PPFIA1: variants seen among roughly 807,000 people sequenced by gnomAD.
PPFIA1 encodes the protein PPFI scaffold protein A1, also known as liprin-alpha-1.
PPFIA1 carries 25 observed loss-of-function variants against 149.9 expected under a neutral mutation model. That is an observed-to-expected ratio of 0.17 (90% CI 0.12 to 0.23). PPFIA1 has a LOEUF of 0.23. Ranked by LOEUF, PPFIA1 falls within the 10% of genes least tolerant of loss-of-function variation. The pLI is 1.00. For synonymous variants in PPFIA1, 549 were observed against 552.8 expected (o/e 0.99, Z 0.10); for missense variants, 1,362 against 1,506.5 (o/e 0.90, Z 1.59).
intron 4 of PPFIA1, among the ~76,000 whole-genome samples, chr11:70,325,292 G>A (rs904583227): frequency 1.3e-5 from 2 of 151,774 alleles, no homozygotes; most frequent in African/African-American, 4.8e-5. Context: ...CTGATATTTC[G>A]GGGGAAGATT....
Position 70,324,880 on chromosome 11 carries a change from A to C in PPFIA1, c.400A>C (p.Arg134=). 6.2e-7 allele frequency: 1 copy of C among 1,608,072 alleles called. No homozygotes were observed. The highest frequency in any genetic ancestry group is 8.5e-7 in the Non-Finnish European group (1 of 1,177,752). ...LLEHLECLVS[R]HERSLRMTVV... is the part of the protein sequence containing the mutation. Reference sequence around the variant, plus strand: ...AGAGCATTTGGAATGCCTTGTCTCCAGGCATGAGCGGTCTCTTAGGATGAC... The same window carrying C: ...AGAGCATTTGGAATGCCTTGTCTCCCGGCATGAGCGGTCTCTTAGGATGAC... The change falls in exon 4 of 28, where the codon AGG becomes CGG. Residue 134 remains arginine, a synonymous_variant. Coordinates refer to ENST00000253925, the MANE Select transcript of PPFIA1 (RefSeq NM_003626.5).
At chr11:70,355,106 T>G (rs924387925) in intron 17 of PPFIA1, among the ~76,000 whole-genome samples, 3 of 152,132 alleles carry the variant, frequency 2.0e-5, no homozygotes, top group African/African-American at 7.2e-5. Flanking sequence ...GGTTTCACCA[T>G]GCTGGCCAGG....
chr11:70,335,729 C>T (rs1189364565), intron 11 of PPFIA1, 35 bp downstream of exon 11: 1 of 1,609,636 alleles, frequency 6.2e-7, no homozygotes, highest in African/African-American at 1.3e-5. Context: ...TGGAGCTTTC[C>T]CACCCTCTGC....
intron 2 of PPFIA1, among the ~76,000 whole-genome samples, chr11:70,312,993 G>A (rs1191420525): frequency 6.6e-6 from 1 of 152,190 alleles, no homozygotes; most frequent in African/African-American, 2.4e-5. Context: ...GTGAACATCA[G>A]GTAAGTGGGA....
At chr11:70,331,903 A>G (rs2054691884) in intron 8 of PPFIA1, 57 bp from the exon 9 acceptor site, 4 of 1,555,888 alleles carry the variant, frequency 2.6e-6, no homozygotes, top group Non-Finnish European at 3.5e-6. Flanking sequence ...TCAATCTGTT[A>G]AAAACTGATC....
At chr11:70,365,803 T>G in intron 21 of PPFIA1, 3 of 384,572 alleles carry the variant, frequency 7.8e-6, no homozygotes, top group South Asian at 5.9e-5. Context: ...TTGCATGAGT[T>G]TTGCATGATG....
intron 19 of PPFIA1, chr11:70,358,383 G>T (rs187253843): frequency 1.5e-4 from 23 of 152,266 alleles, no homozygotes; most frequent in Middle Eastern, 3.4e-3. Context: ...ACCGTGCCCA[G>T]CTAATTTTTT....
intron 2 of PPFIA1, among the ~76,000 whole-genome samples, chr11:70,288,615 T>G (rs1013613507): frequency 3.4e-4 from 52 of 152,326 alleles, no homozygotes; most frequent in African/African-American, 1.3e-3. Flanking sequence ...CCGTGTACAG[T>G]GATGAACAGA....
intron 7 of PPFIA1, chr11:70,329,899 T>A (rs923862968): frequency 4.1e-5 from 14 of 341,684 alleles, no homozygotes; most frequent in Non-Finnish European, 5.8e-5. Context: ...CAGCATTCCA[T>A]CCTAGGTGAT....
chr11:70,345,971 G>A (rs926085756), intron 15 of PPFIA1: 2 of 455,400 alleles, frequency 4.4e-6, no homozygotes, highest in Admixed American at 4.7e-5. Flanking sequence ...TCCTTTCCCT[G>A]TGTGAAGTTA....
chr11:70,303,744 G>T (rs1591131516), intron 2 of PPFIA1, among the ~76,000 whole-genome samples: 1 of 152,204 alleles, frequency 6.6e-6, no homozygotes, highest in East Asian at 1.9e-4. Context: ...GGTGGCTCAT[G>T]CCTATAATCC....
At chr11:70,279,069 A>T in intron 2 of PPFIA1, 1 of 506,206 alleles carries the variant, frequency 2.0e-6, no homozygotes, top group Non-Finnish European at 3.7e-6. Flanking sequence ...CTTTACTGTG[A>T]AGTCTTTTGA....
chr11:70,327,100 C>T, intron 7 of PPFIA1: 5 of 371,946 alleles, frequency 1.3e-5, no homozygotes, highest in Non-Finnish European at 2.5e-5. Flanking sequence ...CCTCTCCTAC[C>T]TGTGCTGCTT....
chr11:70,319,609 T>G (rs1227546787), intron 2 of PPFIA1, among the ~76,000 whole-genome samples: 1 of 152,202 alleles, frequency 6.6e-6, no homozygotes, highest in Non-Finnish European at 1.5e-5. Context: ...TCCCTTATGC[T>G]AATGACTGAC....
intron 27 of PPFIA1, among the ~76,000 whole-genome samples, chr11:70,382,481 A>C (rs1042303178): frequency 7.2e-5 from 11 of 152,042 alleles, no homozygotes; most frequent in Admixed American, 1.3e-4. Flanking sequence ...CATGGCAGAG[A>C]GCGTCAGGGG....
chr11:70,298,378 A>G (rs758796481), intron 2 of PPFIA1, among the ~76,000 whole-genome samples: 5 of 152,214 alleles, frequency 3.3e-5, no homozygotes, highest in Non-Finnish European at 5.9e-5. Flanking sequence ...TGTGCAAACC[A>G]TAGAAATACT....
chr11:70,324,275 A>G (rs2054135408), intron 2 of PPFIA1, 127 bp from the exon 3 acceptor site: 2 of 609,502 alleles, frequency 3.3e-6, no homozygotes, highest in Middle Eastern at 2.9e-4. Context: ...TCTCTGGAGG[A>G]TCACTGAGAT....
chr11:70,287,558 G>C lies in PPFIA1; in HGVS notation c.264+15122G>C, dbSNP rs1027996800. 3.2e-4 allele frequency among the ~76,000 whole-genome samples: 49 copies of C among 151,390 alleles called. 1 individual carries two copies. Among genetic ancestry groups the C allele is most frequent in the African/African-American group, 1.1e-3 (47 of 41,270 alleles). ...TTACCCAGGCTGGTCTCCAATCCTG[G>C]TCTCAAGTAATCCTCCTGCCTCAGC... On this transcript the variant is annotated intron_variant, in intron 2 of 27. Coordinates refer to ENST00000253925, the MANE Select transcript of PPFIA1 (RefSeq NM_003626.5).
intron 2 of PPFIA1, chr11:70,284,115 C>A: frequency 2.2e-6 from 1 of 453,230 alleles, no homozygotes; most frequent in Non-Finnish European, 4.5e-6. Context: ...ACTTGCTAAG[C>A]TTAACTTTAG....
Sources: allele counts gnomAD v4.1 joint callset (sites outside exome capture counted in the v4.1 genomes callset), GRCh38; gene constraint gnomAD v4.1.1; transcripts MANE v1.5; gene names NCBI Gene and HGNC (gene_info 2026-07-23, HGNC 2026-07-21).